WAC: variants seen among roughly 807,000 people sequenced by gnomAD.
WAC encodes WW domain containing adaptor with coiled-coil, also known as WW domain-containing adapter protein with coiled-coil.
Under a neutral mutation model 79.6 loss-of-function variants are expected in WAC, and 11 were observed. The ratio of observed to expected loss-of-function variants is 0.14; its 90% CI spans 0.09 to 0.23. The LOEUF (loss-of-function observed/expected upper bound fraction) is 0.23, where lower values mean the gene tolerates loss of function less well. WAC is among the 10% of genes least tolerant of loss of function. The pLI is 1.00. For missense variants in WAC, 728 were observed against 773.5 expected (o/e 0.94, Z 0.70); for synonymous variants, 304 against 276.9 (o/e 1.10, Z -0.97).
intron 3 of WAC, among the ~76,000 whole-genome samples, chr10:28,554,150 T>C (rs1456172000): frequency 6.6e-6 from 1 of 152,186 alleles, no homozygotes; most frequent in Non-Finnish European, 1.5e-5. Flanking sequence ...TTTATAGGCA[T>C]GAACTGCCGC....
At chr10:28,598,483 G>A (rs1386566045) in intron 7 of WAC, among the ~76,000 whole-genome samples, 1 of 151,938 alleles carries the variant, frequency 6.6e-6, no homozygotes, top group Non-Finnish European at 1.5e-5. Context: ...TCCCCTCTAG[G>A]GCTCAACATT....
In WAC at chr10:28,619,541, C is replaced by T. The variant is rs375467708; in HGVS notation, c.1879C>T (p.Leu627=). ...IQATLREQRI[L]FLRQQIKELE... ...ATGTCTGCTTTTTTTTTTCAGGATA[C>T]TATTTTTGAGACAACAAATTAAGGA... Residue 627 remains leucine (L), a synonymous_variant, in exon 14 of 14, where the codon CTA becomes TTA. Coordinates refer to ENST00000354911, the MANE Select transcript of WAC (RefSeq NM_016628.5). The T allele has an allele frequency of 7.6e-6, 12 of 1,570,380 alleles. No individual in the cohort carries two copies. In the African/African-American group the frequency reaches 9.8e-5, roughly 13 times the overall value.
At chr10:28,536,949 A>G (rs1235226419) in intron 3 of WAC, among the ~76,000 whole-genome samples, 2 of 152,186 alleles carry the variant, frequency 1.3e-5, no homozygotes, top group African/African-American at 4.8e-5. Flanking sequence ...TAGTTCTTCA[A>G]TACTTGGCTT....
chr10:28,601,604 C>CG (rs1397155294), intron 7 of WAC, among the ~76,000 whole-genome samples: 34 of 152,070 alleles, frequency 2.2e-4, no homozygotes, highest in African/African-American at 8.0e-4. Context: ...TGCTTACATG[C>CG]GGGTGTTCCT....
chr10:28,611,664 T>C (rs11007160), intron 9 of WAC, 110 bp from the exon 10 acceptor site: 2 of 1,342,654 alleles, frequency 1.5e-6, no homozygotes, highest in Admixed American at 4.6e-5. Context: ...AATATGGGGG[T>C]GGGGGGGTTT....
chr10:28,611,737 G>A, intron 9 of WAC, 37 bp from the exon 10 acceptor site: 1 of 1,598,776 alleles, frequency 6.3e-7, no homozygotes, highest in Non-Finnish European at 8.5e-7. Context: ...GTTTTGTTTT[G>A]TTTTTCTTTA....
At chr10:28,538,456 C>G (rs1836804898) in intron 3 of WAC, 1 of 159,144 alleles carries the variant, frequency 6.3e-6, no homozygotes, top group Non-Finnish European at 1.4e-5. Flanking sequence ...GTGGCGAGTG[C>G]CTGTAATCCC....
chr10:28,541,452 A>C (rs1407248168), intron 3 of WAC, among the ~76,000 whole-genome samples: 2 of 109,198 alleles, frequency 1.8e-5, no homozygotes, highest in Non-Finnish European at 3.5e-5. Context: ...TTTTTAAGAC[A>C]GTCTCACTCT....
At chr10:28,602,703 G>A (rs1218526579) in intron 7 of WAC, among the ~76,000 whole-genome samples, 1 of 152,130 alleles carries the variant, frequency 6.6e-6, no homozygotes, top group Non-Finnish European at 1.5e-5. Flanking sequence ...AAGAAATAAA[G>A]TTTGACTTTA....
chr10:28,590,978 C>T lies in WAC; in HGVS notation c.610+146C>T, dbSNP rs574412575. 5 of 725,370 alleles carry T rather than the reference C, an allele frequency of 6.9e-6. No homozygotes were observed. In the East Asian group the frequency reaches 1.4e-4, roughly 21 times the overall value. 44.9% of individuals were successfully genotyped at this position (725,370 alleles called of 1,614,324 possible). A position where few individuals can be genotyped will look rare whatever the true frequency, so the allele number is the denominator to read the frequency against. On this transcript the variant is annotated intron_variant, in intron 6 of 13. Coordinates refer to ENST00000354911, the MANE Select transcript of WAC (RefSeq NM_016628.5). ...TTTTATGTTGGATTTATTATACCCT[C>T]CACCATTTTGGTCCCTGAAAAGGGA...
At chr10:28,590,036 C>G (rs1000080134) in intron 5 of WAC, among the ~76,000 whole-genome samples, 185 bp downstream of exon 5, 1 of 152,114 alleles carries the variant, frequency 6.6e-6, no homozygotes, top group Non-Finnish European at 1.5e-5. Flanking sequence ...AAACAAAAAA[C>G]CTGGCTGGGT....
chr10:28,583,565 A>AAG (rs1198317957), intron 4 of WAC, 60 bp downstream of exon 4: 1 of 1,266,474 alleles, frequency 7.9e-7, no homozygotes, highest in East Asian at 2.5e-5. Flanking sequence ...AAAAAAAAAA[A>AAG]AAATACAACC....
intron 4 of WAC, among the ~76,000 whole-genome samples, chr10:28,588,448 A>G (rs1839928610): frequency 6.6e-6 from 1 of 152,046 alleles, no homozygotes; most frequent in Non-Finnish European, 1.5e-5. Flanking sequence ...GAATTTCCAG[A>G]CTCGGTGTTA....
At chr10:28,618,248 G>T (rs915435209) in intron 13 of WAC, among the ~76,000 whole-genome samples, 3 of 152,100 alleles carry the variant, frequency 2.0e-5, no homozygotes, top group Non-Finnish European at 2.9e-5. Context: ...TTTCACTCAA[G>T]TAGAATATCT....
At chr10:28,604,689 C>T (rs573489340) in intron 7 of WAC, among the ~76,000 whole-genome samples, 16 of 152,270 alleles carry the variant, frequency 1.1e-4, no homozygotes, top group Non-Finnish European at 1.6e-4. Flanking sequence ...CACTGCGCTC[C>T]GGCCTGGGTG....
At chr10:28,562,928 T>C (rs970654516) in intron 3 of WAC, among the ~76,000 whole-genome samples, 7 of 151,720 alleles carry the variant, frequency 4.6e-5, no homozygotes, top group Non-Finnish European at 8.9e-5. Flanking sequence ...TCTTGAAAAA[T>C]AAATAACGGT....
intron 9 of WAC, chr10:28,611,470 G>A: frequency 7.4e-7 from 1 of 1,348,330 alleles, no homozygotes; most frequent in Non-Finnish European, 9.7e-7. Context: ...TAAGAAAGAA[G>A]AAATAAGGAT....
At chr10:28,544,831 A>G (rs1837262440) in intron 3 of WAC, among the ~76,000 whole-genome samples, 1 of 152,166 alleles carries the variant, frequency 6.6e-6, no homozygotes, top group Non-Finnish European at 1.5e-5. Context: ...TGGGAGGCCA[A>G]GGCGGGCAGA....
At chr10:28,605,317 A>G (rs1315792201) in intron 7 of WAC, among the ~76,000 whole-genome samples, 1 of 152,234 alleles carries the variant, frequency 6.6e-6, no homozygotes, top group East Asian at 1.9e-4. Context: ...TAGAACTTCT[A>G]CAAGTTGTTA....
Sources: gnomAD v4.1 joint callset for allele counts (sites outside exome capture counted in the v4.1 genomes callset) on GRCh38, gnomAD v4.1.1 for gene constraint, MANE v1.5 for transcripts, NCBI Gene and HGNC (gene_info 2026-07-23, HGNC 2026-07-21) for gene names.